Variants in AGBL4 observed in about 807,000 individuals in gnomAD.
AGBL4 encodes the protein cytosolic carboxypeptidase 6.
AGBL4 carries 58 observed loss-of-function variants against 66.4 expected under a neutral mutation model. That is an observed-to-expected ratio of 0.87 (90% confidence interval 0.71 to 1.09). The LOEUF is 1.09. AGBL4 is among the 50% of genes least tolerant of loss of function. The probability of loss-of-function intolerance (pLI) is 0.00; values close to 1 mark genes in which losing one functional copy is unlikely to be tolerated. For missense variants in AGBL4, 579 were observed against 631.0 expected (o/e 0.92, Z 0.88); for synonymous variants, 234 against 222.9 (o/e 1.05, Z -0.44).
intron 2 of AGBL4, among the ~76,000 whole-genome samples, chr1:49,800,579 T>C (rs867923153): frequency 3.5e-5 from 4 of 115,110 alleles, no homozygotes; most frequent in African/African-American, 1.0e-4. Flanking sequence ...TGTGATCTCA[T>C]TGTTCAATTC....
At chr1:48,588,249 A>G (rs1644855541) in intron 10 of AGBL4, among the ~76,000 whole-genome samples, 3 of 152,198 alleles carry the variant, frequency 2.0e-5, no homozygotes, top group Non-Finnish European at 2.9e-5. Context: ...GAATCACTAG[A>G]GCATAGGGAT....
intron 3 of AGBL4, among the ~76,000 whole-genome samples, chr1:49,321,032 C>T (rs879499821): frequency 1.3e-5 from 2 of 152,118 alleles, no homozygotes; most frequent in Non-Finnish European, 2.9e-5. Flanking sequence ...CCCACAAGGT[C>T]ACTCCCTCAA....
At chr1:48,566,897 G>A (rs1314451274) in intron 11 of AGBL4, among the ~76,000 whole-genome samples, 1 of 152,216 alleles carries the variant, frequency 6.6e-6, no homozygotes, top group Non-Finnish European at 1.5e-5. Context: ...GGGAGGCTGA[G>A]GTGGGAGGAT....
chr1:49,463,482 T>C (rs1361551821), intron 3 of AGBL4, among the ~76,000 whole-genome samples: 3 of 151,758 alleles, frequency 2.0e-5, no homozygotes, highest in African/African-American at 7.2e-5. Context: ...AGCAGCTTAC[T>C]GCCCATAAAG....
chr1:49,197,437 G>T (rs1647318349), intron 4 of AGBL4, among the ~76,000 whole-genome samples: 1 of 152,174 alleles, frequency 6.6e-6, no homozygotes, highest in South Asian at 2.1e-4. Flanking sequence ...GCCAGTAGGT[G>T]GTTCTTGCAG....
intron 1 of AGBL4, among the ~76,000 whole-genome samples, chr1:49,900,630 TA>T (rs1386727506): frequency 6.6e-6 from 1 of 152,136 alleles, no homozygotes; most frequent in African/African-American, 2.4e-5. Flanking sequence ...ATGAAGCAAA[TA>T]TCACACTAAT....
At chr1:48,597,262 T>A (rs1263915884) in intron 9 of AGBL4, among the ~76,000 whole-genome samples, 2 of 152,202 alleles carry the variant, frequency 1.3e-5, no homozygotes, top group African/African-American at 4.8e-5. Flanking sequence ...CTGGCAAATA[T>A]CTACTGTGAA....
At chr1:49,454,175 C>T (rs984306233) in intron 3 of AGBL4, among the ~76,000 whole-genome samples, 1 of 151,760 alleles carries the variant, frequency 6.6e-6, no homozygotes, top group East Asian at 1.9e-4. Context: ...AACAATCAGA[C>T]AACGATATTC....
intron 3 of AGBL4, among the ~76,000 whole-genome samples, chr1:49,513,012 A>G (rs1017014641): frequency 1.3e-5 from 2 of 152,142 alleles, no homozygotes; most frequent in East Asian, 3.9e-4. Flanking sequence ...ACCAGGAATA[A>G]CTATCCCCAT....
chr1:50,021,745 T>C (rs1411593756), intron 1 of AGBL4, among the ~76,000 whole-genome samples: 1 of 152,202 alleles, frequency 6.6e-6, no homozygotes, highest in East Asian at 1.9e-4. Context: ...GTATATCCTA[T>C]ATCCACTCTT....
intron 4 of AGBL4, among the ~76,000 whole-genome samples, chr1:49,064,253 C>T (rs867967327): frequency 1.4e-4 from 21 of 152,162 alleles, no homozygotes; most frequent in African/African-American, 5.1e-4. Context: ...ATTTCCTCTT[C>T]TCAATAGCAA....
intron 9 of AGBL4, among the ~76,000 whole-genome samples, chr1:48,607,393 G>A (rs929971072): frequency 6.6e-6 from 1 of 151,958 alleles, no homozygotes; most frequent in Non-Finnish European, 1.5e-5. Context: ...TGAGGCGGGC[G>A]GATCACCTGA....
chr1:48,823,973 G>A (rs1646370757), intron 6 of AGBL4, among the ~76,000 whole-genome samples: 1 of 151,340 alleles, frequency 6.6e-6, no homozygotes, highest in Non-Finnish European at 1.5e-5. Flanking sequence ...GACAAAAGGT[G>A]TGTGTGTGTG....
At position 48,759,255 on chromosome 1, in the gene AGBL4, C is replaced by T. The variant is rs755957106; in HGVS notation, c.635-96014G>A. On this transcript the variant is annotated intron_variant, in intron 6 of 13. Coordinates refer to ENST00000371839, the MANE Select transcript of AGBL4 (RefSeq NM_032785.4). The stretch of plus-strand genomic sequence containing the variant: ...CCACTGCCTCGATGCTCTTGTGCGC[C>T]ACTTCGCTCGGCTTCCGCCCCTCAG... 8.5e-5 allele frequency: 134 copies of T among 1,571,894 alleles called. 1 individual carries two copies. Among genetic ancestry groups the T allele is most frequent in the Non-Finnish European group, 1.1e-4 (127 of 1,158,280 alleles).
intron 5 of AGBL4, among the ~76,000 whole-genome samples, chr1:48,991,928 T>C (rs1247571548): frequency 6.6e-6 from 1 of 152,204 alleles, no homozygotes; most frequent in Non-Finnish European, 1.5e-5. Context: ...TTCCTCAAAA[T>C]GGCAACTTTG....
At chr1:48,975,439 T>C (rs1659243425) in intron 5 of AGBL4, among the ~76,000 whole-genome samples, 1 of 152,118 alleles carries the variant, frequency 6.6e-6, no homozygotes, top group Non-Finnish European at 1.5e-5. Context: ...GTGAAGCCTA[T>C]GGCAAGCTCC....
At chr1:49,045,436 AT>A (rs1644054058) in intron 5 of AGBL4, 147 bp downstream of exon 5, 4 of 586,212 alleles carry the variant, frequency 6.8e-6, no homozygotes, top group Non-Finnish European at 8.8e-6. Flanking sequence ...TACTAATTAT[AT>A]AATTGTTTAA....
intron 2 of AGBL4, among the ~76,000 whole-genome samples, chr1:49,807,040 A>G (rs1644989791): frequency 6.6e-6 from 1 of 152,156 alleles, no homozygotes; most frequent in South Asian, 2.1e-4. Context: ...TGGAGGATGG[A>G]GCCTCCCAGA....
At chr1:49,631,380 A>G (rs1376808421) in intron 3 of AGBL4, among the ~76,000 whole-genome samples, 1 of 152,020 alleles carries the variant, frequency 6.6e-6, no homozygotes, top group Non-Finnish European at 1.5e-5. Context: ...TTTTTGATTG[A>G]CCTCAGTTTC....
Sources: allele counts gnomAD v4.1 joint callset (sites outside exome capture counted in the v4.1 genomes callset), GRCh38; gene constraint gnomAD v4.1.1; transcripts MANE v1.5; gene names NCBI Gene and HGNC (gene_info 2026-07-23, HGNC 2026-07-21).